ZBTB16: variants seen among roughly 807,000 people sequenced by gnomAD.
The protein encoded by ZBTB16 is zinc finger and BTB domain-containing protein 16.
Under a neutral mutation model 56.8 loss-of-function variants are expected in ZBTB16, and 8 were observed. The ratio of observed to expected loss-of-function variants is 0.14; its 90% confidence interval spans 0.08 to 0.25. The LOEUF (loss-of-function observed/expected upper bound fraction) is 0.25, where lower values mean the gene tolerates loss of function less well. ZBTB16 is among the 10% of genes least tolerant of loss of function. ZBTB16 has a pLI of 1.00. For synonymous variants in ZBTB16, 363 were observed against 368.5 expected (o/e 0.98, Z 0.17); for missense variants, 625 against 903.0 (o/e 0.69, Z 3.95).
At chr11:114,199,625 A>G (rs1022068434) in intron 4 of ZBTB16, among the ~76,000 whole-genome samples, 1 of 152,338 alleles carries the variant, frequency 6.6e-6, no homozygotes, top group South Asian at 2.1e-4. Context: ...CTTGCTTCAT[A>G]TGGGACAAAT....
intron 2 of ZBTB16, among the ~76,000 whole-genome samples, chr11:114,131,151 C>T (rs535024424): frequency 6.6e-6 from 1 of 152,278 alleles, no homozygotes; most frequent in East Asian, 1.9e-4. Flanking sequence ...ATTTCGTCCT[C>T]CAGGGCACAT....
chr11:114,208,746 A>G (rs914255601), intron 4 of ZBTB16, among the ~76,000 whole-genome samples: 1 of 152,234 alleles, frequency 6.6e-6, no homozygotes, highest in African/African-American at 2.4e-5. Flanking sequence ...ATGCTGTACA[A>G]GAGCAAGTTA....
intron 2 of ZBTB16, among the ~76,000 whole-genome samples, chr11:114,098,389 C>T (rs1369430418): frequency 1.3e-5 from 2 of 152,114 alleles, no homozygotes; most frequent in African/African-American, 4.8e-5. Flanking sequence ...GTAAGTTTGG[C>T]ATTTCTAGGT....
intron 2 of ZBTB16, among the ~76,000 whole-genome samples, chr11:114,110,793 G>A (rs1377112623): frequency 6.6e-6 from 1 of 152,214 alleles, no homozygotes; most frequent in Non-Finnish European, 1.5e-5. Flanking sequence ...GGTAGAGGGA[G>A]AAAATATTCT....
At chr11:114,085,526 A>G (rs745964770) in intron 2 of ZBTB16, among the ~76,000 whole-genome samples, 1 of 152,132 alleles carries the variant, frequency 6.6e-6, no homozygotes, top group Non-Finnish European at 1.5e-5. Flanking sequence ...GTATATATAT[A>G]TATCAGACTG....
intron 4 of ZBTB16, among the ~76,000 whole-genome samples, chr11:114,235,065 G>C (rs1387871802): frequency 1.3e-5 from 2 of 152,128 alleles, no homozygotes; most frequent in Non-Finnish European, 2.9e-5. Flanking sequence ...GAGGGAGGGG[G>C]AAGTTTCTAG....
intron 4 of ZBTB16, among the ~76,000 whole-genome samples, chr11:114,213,602 C>T (rs982075897): frequency 1.3e-5 from 2 of 152,236 alleles, no homozygotes; most frequent in Admixed American, 1.3e-4. Context: ...TTACCTCAGA[C>T]TGTGTTATTT....
chr11:114,069,030 G>A (rs1023156349), intron 2 of ZBTB16, among the ~76,000 whole-genome samples: 8 of 152,202 alleles, frequency 5.3e-5, no homozygotes, highest in African/African-American at 1.9e-4. Context: ...ATACAGACAA[G>A]CACTTAGGTC....
chr11:114,210,124 C>A (rs1297264476), intron 4 of ZBTB16, among the ~76,000 whole-genome samples: 1 of 151,248 alleles, frequency 6.6e-6, no homozygotes. Context: ...TGCAAATGTG[C>A]GGGTTGATCA....
rs1407313349 is a variant in ZBTB16, at chr11:114,071,433, A to T, written c.1268+6865A>T. ...GCCATCACTATTGGATGGAGCCGCTAATTGCTGGGAGGGAGAAAGCTATAG... is the reference window on the plus strand; with the variant it reads ...GCCATCACTATTGGATGGAGCCGCTTATTGCTGGGAGGGAGAAAGCTATAG... On this transcript the variant is annotated intron_variant, in intron 2 of 6. Transcript: ENST00000335953. Among the ~76,000 whole-genome samples, 3 of 152,188 alleles carry T rather than the reference A, an allele frequency of 2.0e-5. No individual in the cohort carries two copies. The East Asian group carries it at 5.8e-4, about 29-fold the overall frequency.
chr11:114,076,276 C>A (rs1359258268), intron 2 of ZBTB16, among the ~76,000 whole-genome samples: 2 of 152,118 alleles, frequency 1.3e-5, no homozygotes, highest in Non-Finnish European at 1.5e-5. Context: ...TATCTGATTG[C>A]GGGGCTGATT....
intron 4 of ZBTB16, among the ~76,000 whole-genome samples, chr11:114,213,717 A>G (rs540109486): frequency 2.0e-5 from 3 of 152,250 alleles, no homozygotes; most frequent in Non-Finnish European, 4.4e-5. Flanking sequence ...CTTTAAGCTA[A>G]GTAGTATTAA....
chr11:114,244,062 A>G (rs1223812560), intron 5 of ZBTB16, among the ~76,000 whole-genome samples: 5 of 152,168 alleles, frequency 3.3e-5, no homozygotes, highest in Non-Finnish European at 5.9e-5. Context: ...CACACAAGCC[A>G]TATACAGGCT....
In ZBTB16 at chr11:114,063,752, G is replaced by C. The variant is rs753220958; in HGVS notation, c.452G>C (p.Arg151Pro). ...GAEEEEDRKA[R>P]YLKNIFISKH... ...GAGGAAGAAGAGGACCGCAAGGCTCGGTACCTCAAGAACATCTTCATCTCG... is the reference window on the plus strand; with the variant it reads ...GAGGAAGAAGAGGACCGCAAGGCTCCGTACCTCAAGAACATCTTCATCTCG... Residue 151 changes from arginine (R) to proline (P), a missense_variant, in exon 2 of 7, where the codon CGG (arginine) becomes CCG (proline). By Grantham distance (103) the Arg-to-Pro change is moderately radical. This residue lies in a region of ZBTB16 where 384 missense variants were observed against 393.5 expected (regional missense o/e 0.98). Coordinates refer to ENST00000335953, the MANE Select transcript of ZBTB16 (RefSeq NM_006006.6). This position sits in a 1 kb window ranked among gnomAD's most constrained non-coding sequence, Gnocchi z 6.5. 6.2e-7 allele frequency: 1 copy of C among 1,613,978 alleles called. No homozygotes were observed. Among genetic ancestry groups the C allele is most frequent in the East Asian group, 2.2e-5 (1 of 44,874 alleles).
Position 114,250,700 on chromosome 11 carries a change from T to C in ZBTB16, c.*145T>C. On this transcript the variant is annotated 3_prime_UTR_variant, in exon 7 of 7. Transcript: ENST00000335953. This position sits in a 1 kb window ranked among gnomAD's most constrained non-coding sequence, Gnocchi z 6.0. ...AACCTGGTAGCTTTTTGGCCTTGGA[T>C]TCTCTCTGGGCTCCAGATGACCTGG... 1 of 906,402 alleles carries C rather than the reference T, an allele frequency of 1.1e-6. No homozygotes were observed. Among genetic ancestry groups the C allele is most frequent in the South Asian group, 1.7e-5 (1 of 60,260 alleles). The allele number at this position is 906,402 out of a possible 1,614,324, so 56.1% of individuals were successfully genotyped here.
rs189769144 is a variant in ZBTB16, at chr11:114,060,711, C to G, written c.-91+829C>G. 2.0e-5 allele frequency: 3 copies of G among 152,410 alleles called. No homozygotes were observed. The highest frequency in any genetic ancestry group is 6.5e-5 in the Admixed American group (1 of 15,304). The allele number at this position is 152,410 out of a possible 1,614,324, so 9.4% of individuals were successfully genotyped here. ...TGAAATGCGCACGGTCCCGCCGGCC[C>G]GCGGAACCACCCGGACGCACGGAGC... On this transcript the variant is annotated intron_variant, in intron 1 of 6. Transcript: ENST00000335953. This position sits in a 1 kb window ranked among gnomAD's most constrained non-coding sequence, Gnocchi z 6.0.
intron 3 of ZBTB16, among the ~76,000 whole-genome samples, chr11:114,160,851 T>G (rs1170996860): frequency 6.6e-6 from 1 of 151,954 alleles, no homozygotes; most frequent in Non-Finnish European, 1.5e-5. Context: ...GTTTTGGGGG[T>G]CAGAAGGGTT....
chr11:114,089,849 G>A (rs78360311), intron 2 of ZBTB16, among the ~76,000 whole-genome samples: 4 of 152,234 alleles, frequency 2.6e-5, no homozygotes, highest in African/African-American at 9.6e-5. Flanking sequence ...AACCCAAGGT[G>A]TGTGCCACGT....
chr11:114,212,136 G>C (rs1420110167), intron 4 of ZBTB16, among the ~76,000 whole-genome samples: 1 of 151,986 alleles, frequency 6.6e-6, no homozygotes, highest in Non-Finnish European at 1.5e-5. Flanking sequence ...TTTTCCTTGG[G>C]AAAGGGGGGA....
Sources: gnomAD v4.1 joint callset for allele counts (sites outside exome capture counted in the v4.1 genomes callset) on GRCh38, gnomAD v4.1.1 for gene constraint, gnomAD v4.1.1 regional missense constraint, Gnocchi (gnomAD v3.1) non-coding constraint, MANE v1.5 for transcripts, NCBI Gene and HGNC (gene_info 2026-07-23, HGNC 2026-07-21) for gene names.